Variants in CTNNA3 observed in about 807,000 individuals in gnomAD.
CTNNA3 encodes catenin alpha-3.
In CTNNA3, 76 loss-of-function variants were observed where a neutral mutation model predicts 95.7. The ratio of observed to expected loss-of-function variants is 0.79; its 90% CI spans 0.66 to 0.96. The LOEUF is 0.96. CTNNA3 is among the 40% of genes least tolerant of loss of function. The probability of loss-of-function intolerance (pLI) is 0.00; values close to 1 mark genes in which losing one functional copy is unlikely to be tolerated. For missense variants in CTNNA3, 1,191 were observed against 1,089.8 expected, an observed-to-expected ratio of 1.09 and a Z score of -1.31; for synonymous variants, 431 against 374.4, an observed-to-expected ratio of 1.15 and a Z score of -1.74.
chr10:66,571,535 T>C (rs1239915183), intron 10 of CTNNA3, among the ~76,000 whole-genome samples: 3 of 152,192 alleles, frequency 2.0e-5, no homozygotes, highest in Admixed American at 6.5e-5. Context: ...CTCTGACTCA[T>C]AACTAAGCCC....
chr10:66,920,295 A>T (rs896338843), intron 7 of CTNNA3, among the ~76,000 whole-genome samples: 2 of 152,238 alleles, frequency 1.3e-5, no homozygotes, highest in African/African-American at 2.4e-5. Context: ...TATAAGTCCC[A>T]TTTTGCAGAT....
intron 7 of CTNNA3, among the ~76,000 whole-genome samples, chr10:66,804,360 C>T (rs1272235580): frequency 6.6e-6 from 1 of 151,964 alleles, no homozygotes; most frequent in East Asian, 1.9e-4. Flanking sequence ...CATTAGTGAA[C>T]TCCAGCATCA....
chr10:66,131,185 T>G (rs2083084092), intron 13 of CTNNA3, among the ~76,000 whole-genome samples: 1 of 151,958 alleles, frequency 6.6e-6, no homozygotes, highest in African/African-American at 2.4e-5. Context: ...TCCAAAAAAT[T>G]GTGGAGGAGG....
intron 10 of CTNNA3, among the ~76,000 whole-genome samples, chr10:66,562,400 A>T (rs1173321104): frequency 6.6e-6 from 1 of 152,172 alleles, no homozygotes; most frequent in Non-Finnish European, 1.5e-5. Flanking sequence ...CAGATAGCCC[A>T]GCTGAGATTT....
In CTNNA3 at chr10:66,301,677, A is replaced by G. The variant is rs538111994; in HGVS notation, c.1733-21056T>C. ...TTGACAAAATCCTACACCCACTCAT[A>G]GTAAGAACTCTCAGCAAAGTAGGAA... On this transcript the variant is annotated intron_variant, in intron 12 of 17. Transcript: ENST00000433211. 2.1e-4 allele frequency among the ~76,000 whole-genome samples: 32 copies of G among 152,080 alleles called. No individual in the cohort carries two copies. The South Asian group carries it at 6.4e-3, about 31-fold the overall frequency.
intron 7 of CTNNA3, among the ~76,000 whole-genome samples, chr10:66,984,560 C>A (rs1850621446): frequency 6.6e-6 from 1 of 152,138 alleles, no homozygotes; most frequent in Admixed American, 6.5e-5. Context: ...AAAAAATAAA[C>A]TGCTACATAA....
At chr10:67,429,670 T>C (rs10823040) in intron 5 of CTNNA3, among the ~76,000 whole-genome samples, 12,591 of 152,058 alleles carry the variant, frequency 0.083, 624 homozygotes, top group South Asian at 0.16. Flanking sequence ...TCCCTTATTT[T>C]TGCCTGATCA....
intron 1 of CTNNA3, among the ~76,000 whole-genome samples, chr10:67,661,255 G>C (rs1159096491): frequency 6.9e-6 from 1 of 144,714 alleles, no homozygotes; most frequent in East Asian, 2.2e-4. Flanking sequence ...AAAAAAGAGA[G>C]AGAGAGAAAA....
chr10:66,462,780 A>T (rs1295879141), intron 11 of CTNNA3, among the ~76,000 whole-genome samples: 2 of 152,132 alleles, frequency 1.3e-5, no homozygotes, highest in African/African-American at 4.8e-5. Flanking sequence ...GAGTAGTATC[A>T]TCAAGGTATC....
At chr10:66,589,628 A>G (rs1479539087) in intron 10 of CTNNA3, among the ~76,000 whole-genome samples, 1 of 152,130 alleles carries the variant, frequency 6.6e-6, no homozygotes, top group African/African-American at 2.4e-5. Flanking sequence ...TCCTTTTTAC[A>G]ATTTTCAAGA....
At chr10:65,997,993 C>A (rs2078697976) in intron 15 of CTNNA3, among the ~76,000 whole-genome samples, 2 of 151,886 alleles carry the variant, frequency 1.3e-5, no homozygotes, top group African/African-American at 4.8e-5. Flanking sequence ...CCTGCCTGGG[C>A]AACAAGGTGA....
chr10:67,199,909 C>A (rs1863563636), intron 6 of CTNNA3, among the ~76,000 whole-genome samples: 1 of 151,758 alleles, frequency 6.6e-6, no homozygotes, highest in East Asian at 1.9e-4. Context: ...AATCCCATCA[C>A]TGAACACCGC....
chr10:66,783,623 T>G (rs1840627303), intron 7 of CTNNA3, among the ~76,000 whole-genome samples: 2 of 133,282 alleles, frequency 1.5e-5, no homozygotes, highest in Admixed American at 8.3e-5. Context: ...TCGATTACAC[T>G]GTGAGCTCCT....
chr10:67,151,742 A>G (rs1861096820), intron 7 of CTNNA3, among the ~76,000 whole-genome samples: 1 of 152,228 alleles, frequency 6.6e-6, no homozygotes, highest in South Asian at 2.1e-4. Flanking sequence ...AGCAGCATCC[A>G]TATGTACAAG....
At position 66,851,211 on chromosome 10, in the gene CTNNA3, C is replaced by A. The variant is rs1843472920; in HGVS notation, c.1048-75687G>T. Among the ~76,000 whole-genome samples, 6 of 152,158 alleles carry A rather than the reference C, an allele frequency of 3.9e-5. No individual in the cohort carries two copies. In the South Asian group the frequency reaches 1.2e-3, roughly 32 times the overall value. On this transcript the variant is annotated intron_variant, in intron 7 of 17. Transcript: ENST00000433211. ...GTTCCCCAAACACTTTATGAGCATC[C>A]TTTCTTCTGAGATTTTCTTCACTCA...
intron 12 of CTNNA3, among the ~76,000 whole-genome samples, chr10:66,360,628 TTTC>T (rs1271860225): frequency 0.011 from 494 of 45,826 alleles, 12 homozygotes; most frequent in East Asian, 0.019. Context: ...TCTTTCTTTC[TTTC>T]TTTCTTTCTT....
intron 7 of CTNNA3, among the ~76,000 whole-genome samples, chr10:66,807,369 T>C (rs73314899): frequency 0.045 from 6,827 of 152,164 alleles, 526 homozygotes; most frequent in African/African-American, 0.16. Flanking sequence ...AAGTGACGTA[T>C]GTTGAAGCAT....
At chr10:66,941,647 T>C (rs1848002545) in intron 7 of CTNNA3, among the ~76,000 whole-genome samples, 1 of 152,142 alleles carries the variant, frequency 6.6e-6, no homozygotes, top group African/African-American at 2.4e-5. Flanking sequence ...GCAGGGCTCA[T>C]TTGCAGAACT....
intron 7 of CTNNA3, among the ~76,000 whole-genome samples, chr10:66,980,042 C>G (rs1292091254): frequency 6.6e-6 from 1 of 152,038 alleles, no homozygotes; most frequent in Non-Finnish European, 1.5e-5. Context: ...CACTTTTTTC[C>G]CTAAAATGTT....
Sources: gnomAD v4.1 joint callset for allele counts (sites outside exome capture counted in the v4.1 genomes callset) on GRCh38, gnomAD v4.1.1 for gene constraint, MANE v1.5 for transcripts, NCBI Gene and HGNC (gene_info 2026-07-23, HGNC 2026-07-21) for gene names.